SGCZ: variants seen among roughly 807,000 people sequenced by gnomAD.
SGCZ encodes the protein sarcoglycan zeta.
Under a neutral mutation model 41.3 loss-of-function variants are expected in SGCZ, and 40 were observed. That is an observed-to-expected ratio of 0.97 (90% CI 0.75 to 1.26). The LOEUF is 1.26. Ranked by LOEUF, SGCZ falls within the 50% of genes most tolerant of loss-of-function variation. The probability of loss-of-function intolerance (pLI) is 0.00; values close to 1 mark genes in which losing one functional copy is unlikely to be tolerated. For missense variants in SGCZ, 552 were observed against 369.8 expected (o/e 1.49, Z -4.04); for synonymous variants, 206 against 137.5 (o/e 1.50, Z -3.49).
chr8:15,075,742 A>G lies in SGCZ; in HGVS notation c.39+161843T>C, dbSNP rs181840910. On this transcript the variant is annotated intron_variant, in intron 1 of 7. Transcript: ENST00000382080. ...AATTACACAAAATGCCTTTAGTATT[A>G]CATGCCAAAGAGACAAATCCTTCTA... Among the ~76,000 whole-genome samples the G allele has an allele frequency of 5.1e-3, 774 of 152,328 alleles. 4 individuals are homozygous for G. Among genetic ancestry groups the G allele is most frequent in the African/African-American group, 0.014 (580 of 41,568 alleles).
At chr8:14,824,254 C>T (rs1452400969) in intron 1 of SGCZ, among the ~76,000 whole-genome samples, 1 of 152,052 alleles carries the variant, frequency 6.6e-6, no homozygotes, top group African/African-American at 2.4e-5. Flanking sequence ...CCTCAATGTT[C>T]TCACCACAAA....
intron 2 of SGCZ, among the ~76,000 whole-genome samples, chr8:14,336,026 T>C (rs1325696909): frequency 6.6e-6 from 1 of 152,090 alleles, no homozygotes; most frequent in Non-Finnish European, 1.5e-5. Flanking sequence ...GGACTAATCC[T>C]AGTTCCCAGT....
At chr8:14,798,175 T>G (rs1173784837) in intron 1 of SGCZ, among the ~76,000 whole-genome samples, 3 of 152,228 alleles carry the variant, frequency 2.0e-5, no homozygotes, top group Non-Finnish European at 4.4e-5. Flanking sequence ...GAAAATGTTA[T>G]TATGTACAGA....
chr8:14,167,533 AT>A (rs1407871397), intron 4 of SGCZ, among the ~76,000 whole-genome samples: 1 of 152,156 alleles, frequency 6.6e-6, no homozygotes, highest in Non-Finnish European at 1.5e-5. Flanking sequence ...GAGAAAGTTT[AT>A]GTCAATAAAC....
chr8:14,669,274 G>A (rs985578437), intron 1 of SGCZ, among the ~76,000 whole-genome samples: 29 of 151,506 alleles, frequency 1.9e-4, no homozygotes, highest in African/African-American at 5.8e-4. Flanking sequence ...CAGGAGGATC[G>A]CTTGAGTCCA....
chr8:14,547,101 C>T (rs112025953), intron 2 of SGCZ, among the ~76,000 whole-genome samples: 2 of 151,880 alleles, frequency 1.3e-5, no homozygotes, highest in African/African-American at 2.4e-5. Context: ...ATAGCCTGAA[C>T]GTTATAATTC....
chr8:14,681,760 A>G (rs1808452628), intron 1 of SGCZ, among the ~76,000 whole-genome samples: 1 of 152,132 alleles, frequency 6.6e-6, no homozygotes, highest in East Asian at 1.9e-4. Context: ...TGGTGAATGA[A>G]TATCTTAGAG....
intron 2 of SGCZ, among the ~76,000 whole-genome samples, chr8:14,392,598 G>C (rs192233098): frequency 5.3e-5 from 8 of 152,164 alleles, no homozygotes; most frequent in Admixed American, 3.9e-4. Context: ...TTGCACACTG[G>C]TACCAGGTCT....
intron 1 of SGCZ, among the ~76,000 whole-genome samples, chr8:14,900,081 C>T (rs1016296919): frequency 6.6e-6 from 1 of 152,076 alleles, no homozygotes; most frequent in Non-Finnish European, 1.5e-5. Context: ...ATATAATAAA[C>T]TCTCCCAAGC....
intron 2 of SGCZ, among the ~76,000 whole-genome samples, chr8:14,342,395 C>A (rs529233189): frequency 6.6e-6 from 1 of 152,146 alleles, no homozygotes; most frequent in Non-Finnish European, 1.5e-5. Context: ...CGGCTCACTG[C>A]AAGCTCTGCC....
chr8:15,099,596 T>TC (rs886368537), intron 1 of SGCZ, among the ~76,000 whole-genome samples: 129 of 152,226 alleles, frequency 8.5e-4, no homozygotes, highest in African/African-American at 3.0e-3. Context: ...AGGAAACACT[T>TC]CTCATAACTA....
chr8:14,777,397 T>C (rs1265521096), intron 1 of SGCZ, among the ~76,000 whole-genome samples: 3 of 152,138 alleles, frequency 2.0e-5, no homozygotes, highest in African/African-American at 7.2e-5. Flanking sequence ...ACACTTCAGG[T>C]GGGAAAAGTG....
At chr8:14,941,759 A>C (rs1800281926) in intron 1 of SGCZ, among the ~76,000 whole-genome samples, 1 of 151,702 alleles carries the variant, frequency 6.6e-6, no homozygotes, top group African/African-American at 2.4e-5. Context: ...TTTTTGCATA[A>C]AACAGATATT....
chr8:14,526,281 C>T (rs1488228663), intron 2 of SGCZ, among the ~76,000 whole-genome samples: 4 of 152,056 alleles, frequency 2.6e-5, no homozygotes, highest in South Asian at 2.1e-4. Flanking sequence ...ACATGTTATG[C>T]CTCTTGTCTA....
intron 1 of SGCZ, among the ~76,000 whole-genome samples, chr8:14,600,471 C>T (rs1277901833): frequency 6.6e-6 from 1 of 152,156 alleles, no homozygotes; most frequent in Non-Finnish European, 1.5e-5. Flanking sequence ...GGAATCTTTA[C>T]CCTGACATTA....
chr8:14,716,109 G>GA (rs1809681531), intron 1 of SGCZ, among the ~76,000 whole-genome samples: 1 of 151,916 alleles, frequency 6.6e-6, no homozygotes. Flanking sequence ...GTGGAACCTA[G>GA]AAATTAATTA....
intron 1 of SGCZ, among the ~76,000 whole-genome samples, chr8:14,805,927 C>T (rs906527328): frequency 9.3e-5 from 14 of 150,334 alleles, no homozygotes; most frequent in African/African-American, 4.9e-5. Flanking sequence ...TTAAGAATCT[C>T]ACTCAAAGCC....
At chr8:14,877,852 A>G (rs1804420697) in intron 1 of SGCZ, among the ~76,000 whole-genome samples, 1 of 152,066 alleles carries the variant, frequency 6.6e-6, no homozygotes, top group South Asian at 2.1e-4. Flanking sequence ...AATAGTTCTA[A>G]TGGATTTTCA....
At chr8:14,416,587 A>T (rs1345254849) in intron 2 of SGCZ, among the ~76,000 whole-genome samples, 2 of 152,030 alleles carry the variant, frequency 1.3e-5, no homozygotes, top group African/African-American at 2.4e-5. Flanking sequence ...CACTTGTTTT[A>T]CAATGTTACT....
Sources: allele counts gnomAD v4.1 joint callset (sites outside exome capture counted in the v4.1 genomes callset), GRCh38; gene constraint gnomAD v4.1.1; transcripts MANE v1.5; gene names NCBI Gene and HGNC (gene_info 2026-07-23, HGNC 2026-07-21).